The following CFAP61 variants were observed in gnomAD, a reference collection of about 807,000 sequenced individuals.
CFAP61 encodes the protein cilia- and flagella-associated protein 61.
In CFAP61, 107 loss-of-function variants were observed where a neutral mutation model predicts 135.6. That is an observed-to-expected ratio of 0.79 (90% confidence interval 0.67 to 0.93). CFAP61 has a LOEUF of 0.93. Ranked by LOEUF, CFAP61 falls within the 40% of genes least tolerant of loss-of-function variation. CFAP61 has a pLI of 0.00. For missense variants in CFAP61, 1,507 were observed against 1,556.2 expected (o/e 0.97, Z 0.53); for synonymous variants, 575 against 578.5 (o/e 0.99, Z 0.09).
intron 23 of CFAP61, among the ~76,000 whole-genome samples, chr20:20,289,805 A>G (rs1420211460): frequency 3.9e-5 from 6 of 152,288 alleles, no homozygotes; most frequent in Admixed American, 3.9e-4. Context: ...GAGCTGGCAC[A>G]GGCCCAGACC....
At chr20:20,249,352 G>A (rs1314810550) in intron 19 of CFAP61, among the ~76,000 whole-genome samples, 2 of 151,936 alleles carry the variant, frequency 1.3e-5, no homozygotes, top group African/African-American at 2.4e-5. Context: ...CCTGGGCAAC[G>A]TAGGGAGAGT....
chr20:20,279,087 G>A (rs2053990973), intron 22 of CFAP61, among the ~76,000 whole-genome samples: 1 of 152,184 alleles, frequency 6.6e-6, no homozygotes, highest in South Asian at 2.1e-4. Flanking sequence ...CACCTCTAGA[G>A]GTGAGTGTGT....
chr20:20,105,703 C>G (rs1001230184), intron 8 of CFAP61, among the ~76,000 whole-genome samples: 6 of 152,032 alleles, frequency 3.9e-5, no homozygotes, highest in Non-Finnish European at 8.8e-5. Flanking sequence ...GCAATCTCGG[C>G]TCACTGAAAG....
intron 18 of CFAP61, among the ~76,000 whole-genome samples, chr20:20,245,725 G>T (rs2050401990): frequency 6.6e-6 from 1 of 152,178 alleles, no homozygotes; most frequent in South Asian, 2.1e-4. Flanking sequence ...CATGCAAAAG[G>T]CTTGACTGGA....
intron 18 of CFAP61, 53 bp from the exon 19 acceptor site, chr20:20,246,062 CTT>C: frequency 9.1e-7 from 1 of 1,104,920 alleles, no homozygotes; most frequent in Non-Finnish European, 1.4e-6. Context: ...TTATGATAAA[CTT>C]TTGCTAAATT....
intron 9 of CFAP61, among the ~76,000 whole-genome samples, chr20:20,147,747 T>C (rs899524029): frequency 6.6e-6 from 1 of 152,206 alleles, no homozygotes; most frequent in African/African-American, 2.4e-5. Flanking sequence ...TTAGTTTAGT[T>C]AGGTCCAATT....
In CFAP61 at chr20:20,169,363, G is replaced by T; in HGVS notation, c.1288G>T (p.Glu430Ter). 6.2e-7 allele frequency: 1 copy of T among 1,613,530 alleles called. No homozygotes were observed. Among genetic ancestry groups the T allele is most frequent in the Non-Finnish European group, 8.5e-7 (1 of 1,179,822 alleles). The change falls in exon 13 of 27, where the codon GAG (glutamate) becomes TAG (stop). Residue 430 changes from glutamate to a stop codon, truncating the protein, a stop_gained. Coordinates refer to ENST00000245957, the MANE Select transcript of CFAP61 (RefSeq NM_015585.4). LOFTEE classifies it high-confidence loss of function. ...CVISLPHLTP[E>*]FFLIQNFVKM... The stretch of plus-strand genomic sequence containing the variant: ...AATTTCTCTGCCCCATCTCACCCCC[G>T]AGTTCTTCCTCATCCAGAACTTCGT...
intron 3 of CFAP61, among the ~76,000 whole-genome samples, chr20:20,071,477 A>G (rs756155593): frequency 9.9e-5 from 15 of 152,176 alleles, no homozygotes; most frequent in African/African-American, 3.6e-4. Flanking sequence ...ACACATGACA[A>G]CTTGTCAGCC....
intron 10 of CFAP61, among the ~76,000 whole-genome samples, chr20:20,163,056 A>G (rs1475986899): frequency 6.6e-6 from 1 of 152,246 alleles, no homozygotes; most frequent in Non-Finnish European, 1.5e-5. Context: ...TCAGAAATAT[A>G]GAGGTAAATA....
At chr20:20,310,073 C>A (rs1329737309) in intron 25 of CFAP61, among the ~76,000 whole-genome samples, 1 of 152,178 alleles carries the variant, frequency 6.6e-6, no homozygotes, top group East Asian at 1.9e-4. Context: ...CAGCTCACTG[C>A]AACCTCCACC....
At chr20:20,328,736 A>G (rs878993953) in intron 25 of CFAP61, among the ~76,000 whole-genome samples, 3 of 152,286 alleles carry the variant, frequency 2.0e-5, no homozygotes, top group South Asian at 4.1e-4. Flanking sequence ...CAAATAGACA[A>G]TTTTTCAAAG....
At chr20:20,280,247 G>T (rs1268504830) in intron 22 of CFAP61, among the ~76,000 whole-genome samples, 1 of 152,168 alleles carries the variant, frequency 6.6e-6, no homozygotes, top group Non-Finnish European at 1.5e-5. Flanking sequence ...GGAGGCAGAG[G>T]TTGGTGTGAT....
chr20:20,100,897 C>T (rs188811568), intron 8 of CFAP61, among the ~76,000 whole-genome samples: 150 of 152,252 alleles, frequency 9.9e-4, no homozygotes, highest in Non-Finnish European at 1.9e-3. Context: ...AATATTTTTA[C>T]CTAAAATAAG....
At chr20:20,129,656 G>C (rs1158591954) in intron 8 of CFAP61, among the ~76,000 whole-genome samples, 1 of 144,948 alleles carries the variant, frequency 6.9e-6, no homozygotes, top group Middle Eastern at 3.3e-3. Context: ...CCCTATTCTT[G>C]CTCAACTCCT....
chr20:20,261,174 T>TC (rs2052160997), intron 20 of CFAP61, among the ~76,000 whole-genome samples: 1 of 152,212 alleles, frequency 6.6e-6, no homozygotes, highest in South Asian at 2.1e-4. Flanking sequence ...GTTTTGCTGT[T>TC]TCATTTTAAT....
intron 22 of CFAP61, among the ~76,000 whole-genome samples, chr20:20,286,761 C>A (rs1223869128): frequency 6.6e-6 from 1 of 152,158 alleles, no homozygotes; most frequent in Non-Finnish European, 1.5e-5. Flanking sequence ...TCCTATGAAA[C>A]CCCAAATGTA....
intron 21 of CFAP61, among the ~76,000 whole-genome samples, chr20:20,269,138 T>C (rs1206498987): frequency 0.02 from 1,616 of 80,864 alleles, 62 homozygotes; most frequent in African/African-American, 0.057. Context: ...TATATATATA[T>C]ATATATATAC....
chr20:20,315,319 G>A (rs945924014), intron 25 of CFAP61, among the ~76,000 whole-genome samples: 2 of 151,004 alleles, frequency 1.3e-5, no homozygotes, highest in African/African-American at 4.9e-5. Flanking sequence ...GTGTTTTTTG[G>A]CTGCATAAAT....
At chr20:20,337,576 G>A (rs1329180382) in intron 25 of CFAP61, among the ~76,000 whole-genome samples, 3 of 1,986 alleles carry the variant, frequency 1.5e-3, no homozygotes, top group African/African-American at 1.3e-3. Context: ...ATGGATGGAT[G>A]GATAGATGTG....
Sources: gnomAD v4.1 joint callset for allele counts (sites outside exome capture counted in the v4.1 genomes callset) on GRCh38, gnomAD v4.1.1 for gene constraint, MANE v1.5 for transcripts, NCBI Gene and HGNC (gene_info 2026-07-23, HGNC 2026-07-21) for gene names.